Variants in CRB2 observed in about 807,000 individuals in gnomAD.
CRB2 encodes the protein crumbs cell polarity complex component 2, also known as protein crumbs homolog 2.
In CRB2, 85 loss-of-function variants were observed where a neutral mutation model predicts 110.9. That is an observed-to-expected ratio of 0.77 (90% CI 0.64 to 0.92). The LOEUF (loss-of-function observed/expected upper bound fraction) is 0.92, where lower values mean the gene tolerates loss of function less well. Ranked by LOEUF, CRB2 falls within the 40% of genes least tolerant of loss-of-function variation. The pLI, the probability that CRB2 is intolerant of heterozygous loss-of-function variation, is 0.00. For missense variants in CRB2, 1,843 were observed against 1,851.3 expected (o/e 1.00, Z 0.08); for synonymous variants, 907 against 831.0 (o/e 1.09, Z -1.57).
intron 4 of CRB2, 31 bp downstream of exon 4, chr9:123,366,397 G>T: frequency 6.5e-7 from 1 of 1,527,578 alleles, no homozygotes; most frequent in Admixed American, 2.2e-5. Context: ...GGCCTGGCGG[G>T]GGGAGGGGTA....
rs1345880163 is a variant in CRB2, at chr9:123,370,202, G to A, written c.1149G>A (p.Arg383=). Residue 383 remains arginine, a synonymous_variant, in exon 7 of 13, where the codon AGG becomes AGA. Transcript: ENST00000373631. The part of the protein sequence containing the change: ...CSDTVAGYIC[R]CPETWGGRDC... Reference sequence around the variant, plus strand: ...ACACTGTGGCAGGCTATATCTGCAGGTGCCCAGAGACCTGGGGTGGGCGCG... The same window carrying A: ...ACACTGTGGCAGGCTATATCTGCAGATGCCCAGAGACCTGGGGTGGGCGCG... 1.9e-6 allele frequency: 3 copies of A among 1,612,968 alleles called. No individual in the cohort carries two copies. Among genetic ancestry groups the A allele is most frequent in the East Asian group, 2.2e-5 (1 of 44,890 alleles).
intron 1 of CRB2, among the ~76,000 whole-genome samples, chr9:123,358,577 C>A (rs1588201861): frequency 6.6e-6 from 1 of 152,246 alleles, no homozygotes; most frequent in African/African-American, 2.4e-5. Context: ...TCAGCCACTC[C>A]ATGGCAGGCA....
At chr9:123,376,222 G>A (rs965020525) in intron 12 of CRB2, among the ~76,000 whole-genome samples, 2 of 152,192 alleles carry the variant, frequency 1.3e-5, no homozygotes, top group Non-Finnish European at 2.9e-5. Flanking sequence ...GGGAAGCCTG[G>A]AGGTACAGAG....
At chr9:123,367,421 AC>A (rs1554782974) in intron 5 of CRB2, 64 bp downstream of exon 5, 52 of 607,850 alleles carry the variant, frequency 8.6e-5, no homozygotes, top group Middle Eastern at 5.3e-4. Flanking sequence ...TCTTGTGCCC[AC>A]CCCCCCACCC....
Position 123,373,772 on chromosome 9 carries a change from G to T in CRB2, c.3241G>T (p.Ala1081Ser). ...CRDLFDAFACACGPGWEGPRC... is the reference protein window; with the variant it reads ...CRDLFDAFACSCGPGWEGPRC... Reference sequence around the variant, plus strand: ...TGACCTCTTCGACGCCTTTGCCTGCGCCTGCGGCCCGGGGTGGGAAGGCCC... The same window carrying T: ...TGACCTCTTCGACGCCTTTGCCTGCTCCTGCGGCCCGGGGTGGGAAGGCCC... The change falls in exon 10 of 13, where the codon GCC becomes TCC. Residue 1081 changes from alanine to serine, a missense_variant. Physicochemically the swap from Ala to Ser is moderately conservative, Grantham distance 99. Coordinates refer to ENST00000373631, the MANE Select transcript of CRB2 (RefSeq NM_173689.7). 1 of 1,590,584 alleles carries T rather than the reference G, an allele frequency of 6.3e-7. No individual in the cohort carries two copies. The highest frequency in any genetic ancestry group is 8.5e-7 in the Non-Finnish European group (1 of 1,176,516).
At position 123,366,232 on chromosome 9, in the gene CRB2, G is replaced by C. The variant is rs766495063; in HGVS notation, c.620G>C (p.Arg207Pro). The change falls in exon 4 of 13, where the codon CGG becomes CCG. Residue 207 changes from arginine (R) to proline (P), a missense_variant. Transcript: ENST00000373631. ...CGCCGGTGCGCCCTCCCCAGGTTCC[G>C]GTGCGACTGCGCGGGCACCGGCTAC... Reference protein sequence around the residue: ...GTCHDLVNGFRCDCAGTGYEG... With the variant: ...GTCHDLVNGFPCDCAGTGYEG... 3 of 1,463,882 alleles carry C rather than the reference G, an allele frequency of 2.0e-6. No individual in the cohort carries two copies. The highest frequency in any genetic ancestry group is 2.7e-6 in the Non-Finnish European group (3 of 1,117,456). The allele number at this position is 1,463,882 out of a possible 1,614,324, so 90.7% of individuals were successfully genotyped here. A position where few individuals can be genotyped will look rare whatever the true frequency, so the allele number is the denominator to read the frequency against.
At position 123,370,826 on chromosome 9, in the gene CRB2, G is replaced by C. The variant is rs1391755506; in HGVS notation, c.1773G>C (p.Leu591=). Residue 591 remains leucine (L), a synonymous_variant, in exon 7 of 13, where the codon CTG becomes CTC. Coordinates refer to ENST00000373631, the MANE Select transcript of CRB2 (RefSeq NM_173689.7). ...QDVRVDGHLL[L]PEDLGENVLL... ...TGCGTGTGGATGGCCACCTCCTGCT[G>C]CCTGAGGATCTCGGTGAGAACGTCC... The C allele has an allele frequency of 9.3e-6, 15 of 1,605,486 alleles. No individual in the cohort carries two copies. Among genetic ancestry groups the C allele is most frequent in the Middle Eastern group, 1.6e-4 (1 of 6,082 alleles).
chr9:123,354,392 C>T (rs552439043), upstream of CRB2, among the ~76,000 whole-genome samples: 83 of 152,374 alleles, frequency 5.4e-4, no homozygotes, highest in African/African-American at 1.9e-3. Flanking sequence ...CCGTGCTCCC[C>T]CCAGCCCCCC....
chr9:123,362,532 C>G (rs796491036), intron 1 of CRB2, among the ~76,000 whole-genome samples: 2 of 152,136 alleles, frequency 1.3e-5, no homozygotes, highest in African/African-American at 4.8e-5. Context: ...ATGGGCATGA[C>G]GGATACTGCC....
chr9:123,376,892 G>T lies in CRB2; in HGVS notation c.3688G>T (p.Ala1230Ser). The T allele has an allele frequency of 6.2e-7, 1 of 1,609,770 alleles. No homozygotes were observed. The highest frequency in any genetic ancestry group is 8.5e-7 in the Non-Finnish European group (1 of 1,179,232). ...FPLLEVAVPA[A>S]CACLLLLLLG... ...ACTGCTGGAGGTGGCCGTACCTGCAGCCTGTGCCTGCCTCCTCCTCCTCCT... is the reference window on the plus strand; with the variant it reads ...ACTGCTGGAGGTGGCCGTACCTGCATCCTGTGCCTGCCTCCTCCTCCTCCT... Residue 1230 changes from alanine to serine, a missense_variant, in exon 13 of 13, where the codon GCC becomes TCC. Transcript: ENST00000373631.
intron 8 of CRB2, among the ~76,000 whole-genome samples, chr9:123,371,864 CA>C (rs1479384850): frequency 6.6e-6 from 1 of 152,138 alleles, no homozygotes; most frequent in Non-Finnish European, 1.5e-5. Context: ...AGCCTTTCTG[CA>C]GGAGCTACTT....
At chr9:123,366,455 ACGCGAGTG>A (rs1016736954) in intron 4 of CRB2, 89 bp downstream of exon 4, 2 of 1,424,104 alleles carry the variant, frequency 1.4e-6, no homozygotes, top group Non-Finnish European at 1.8e-6. Flanking sequence ...GTGTGGCTGC[ACGCGAGTG>A]CCCGCTGGGT....
At chr9:123,376,735 A>AT in intron 12 of CRB2, 103 bp from the exon 13 acceptor site, 1 of 1,137,514 alleles carries the variant, frequency 8.8e-7, no homozygotes. Flanking sequence ...CCCAGCTCTG[A>AT]TTTTCTCTGA....
intron 5 of CRB2, 60 bp downstream of exon 5, chr9:123,367,417 G>GCCCCCCCCC (rs1564372074): frequency 1.2e-4 from 148 of 1,269,692 alleles, no homozygotes; most frequent in Admixed American, 8.9e-4. Flanking sequence ...GGGATCTTGT[G>GCCCCCCCCC]CCCACCCCCC....
intron 12 of CRB2, 57 bp from the exon 13 acceptor site, chr9:123,376,781 G>A: frequency 6.8e-7 from 1 of 1,469,684 alleles, no homozygotes; most frequent in Non-Finnish European, 9.3e-7. Context: ...CTCTCTGAGG[G>A]CCCCGGCGTC....
At position 123,372,355 on chromosome 9, in the gene CRB2, C is replaced by T. The variant is rs1266811633; in HGVS notation, c.2602+13C>T. ...GATGGCTTTGTGTGTGAGTGTGTGT[C>T]CTGGGCAGCTCCCGTGCTGGGTGCT... On this transcript the variant is annotated intron_variant, in intron 9 of 12. Coordinates refer to ENST00000373631, the MANE Select transcript of CRB2 (RefSeq NM_173689.7). 2 of 1,577,406 alleles carry T rather than the reference C, an allele frequency of 1.3e-6. No homozygotes were observed. Among genetic ancestry groups the T allele is most frequent in the Non-Finnish European group, 1.7e-6 (2 of 1,160,926 alleles).
chr9:123,365,786 C>G, intron 2 of CRB2, 131 bp from the exon 3 acceptor site: 1 of 792,544 alleles, frequency 1.3e-6, no homozygotes, highest in East Asian at 3.4e-5. Context: ...ACCCCCCAAC[C>G]ACCACCACCA....
intron 1 of CRB2, among the ~76,000 whole-genome samples, chr9:123,360,023 A>T (rs984343565): frequency 2.6e-5 from 4 of 152,160 alleles, no homozygotes; most frequent in Admixed American, 2.6e-4. Flanking sequence ...GGGTTTGTAA[A>T]GTGAAAATTT....
Position 123,373,684 on chromosome 9 carries a change from C to G in CRB2, c.3153C>G (p.Ile1051Met). 6.8e-7 allele frequency: 1 copy of G among 1,470,264 alleles called. No individual in the cohort carries two copies. The highest frequency in any genetic ancestry group is 1.3e-5 in the South Asian group (1 of 74,460). The allele number at this position is 1,470,264 out of a possible 1,614,324, so 91.1% of individuals were successfully genotyped here. The change falls in exon 10 of 13, where the codon ATC (isoleucine) becomes ATG (methionine). Residue 1051 changes from isoleucine to methionine, a missense_variant. By Grantham distance (10) the Ile-to-Met change is conservative. Transcript: ENST00000373631. ...FASWPGTPAP[I>M]LGCRGAPVCA... is the part of the protein sequence containing the mutation. Reference sequence around the variant, plus strand: ...CTTGGCCTGGGACGCCGGCCCCGATCCTCGGCTGCCGCGGCGCGCCCGTGT... The same window carrying G: ...CTTGGCCTGGGACGCCGGCCCCGATGCTCGGCTGCCGCGGCGCGCCCGTGT...
Sources: gnomAD v4.1 joint callset for allele counts (sites outside exome capture counted in the v4.1 genomes callset) on GRCh38, gnomAD v4.1.1 for gene constraint, MANE v1.5 for transcripts, NCBI Gene and HGNC (gene_info 2026-07-23, HGNC 2026-07-21) for gene names.